UNC80: variants seen among roughly 807,000 people sequenced by gnomAD.
UNC80 encodes the protein unc-80 subunit of NALCN channel complex, also known as protein unc-80 homolog.
A neutral mutation model predicts 384.6 loss-of-function variants in UNC80; 164 were observed. The ratio of observed to expected loss-of-function variants is 0.43; its 90% CI spans 0.38 to 0.49. UNC80 has a LOEUF of 0.49. Ranked by LOEUF, UNC80 falls within the 20% of genes least tolerant of loss-of-function variation. The probability of loss-of-function intolerance (pLI) is 0.00; values close to 1 mark genes in which losing one functional copy is unlikely to be tolerated. For missense variants in UNC80, 3,330 were observed against 4,143.0 expected (o/e 0.80, Z 5.39); for synonymous variants, 1,486 against 1,527.8 (o/e 0.97, Z 0.64).
chr2:209,957,798 G>A lies in UNC80; in HGVS notation c.7550+62G>A. 2.0e-6 allele frequency: 3 copies of A among 1,483,960 alleles called. No homozygotes were observed. The Admixed American group carries it at 5.9e-5, about 29-fold the overall frequency. 91.9% of individuals were successfully genotyped at this position (1,483,960 alleles called of 1,614,324 possible). A position where few individuals can be genotyped will look rare whatever the true frequency, so the allele number is the denominator to read the frequency against. ...ATTTCATACAACCCGAATGTCAGCT[G>A]TTGAGAATGAAAGGAACCCTGAACA... On this transcript the variant is annotated intron_variant, in intron 49 of 64. Transcript: ENST00000673920.
chr2:209,880,319 T>A (rs184892728), intron 24 of UNC80, among the ~76,000 whole-genome samples: 29 of 152,364 alleles, frequency 1.9e-4, no homozygotes, highest in Middle Eastern at 6.8e-3. Flanking sequence ...CAAAAGAGAA[T>A]ATTTGTACAT....
intron 37 of UNC80, among the ~76,000 whole-genome samples, 155 bp downstream of exon 37, chr2:209,930,126 A>G (rs2090738756): frequency 6.6e-6 from 1 of 152,130 alleles, no homozygotes; most frequent in African/African-American, 2.4e-5. Context: ...GATGAGCAAT[A>G]CTTAACTTTG....
At position 209,970,898 on chromosome 2, in the gene UNC80, C is replaced by G; in HGVS notation, c.8197C>G (p.Leu2733Val). The G allele has an allele frequency of 2.6e-6, 4 of 1,551,880 alleles. No individual in the cohort carries two copies. Among genetic ancestry groups the G allele is most frequent in the Non-Finnish European group, 3.5e-6 (4 of 1,147,028 alleles). ...ACCCCTTCTTCATCTCAGCCCTTATCTCTCACCACCTCTGCCCTTCAGCAC... is the reference window on the plus strand; with the variant it reads ...ACCCCTTCTTCATCTCAGCCCTTATGTCTCACCACCTCTGCCCTTCAGCAC... ...GLPLLHLSPY[L>V]SPPLPFSTAV... The change falls in exon 54 of 65, where the codon CTC becomes GTC. Residue 2733 changes from leucine (L) to valine (V), a missense_variant. Leu to Val is a conservative substitution (Grantham distance 32, BLOSUM62 1). This residue lies in a region of UNC80 where 1,049 missense variants were observed against 1,488.6 expected (regional missense o/e 0.70). Coordinates refer to ENST00000673920, the MANE Select transcript of UNC80 (RefSeq NM_001371986.1).
intron 42 of UNC80, 88 bp downstream of exon 42, chr2:209,937,718 T>C: frequency 9.8e-7 from 1 of 1,018,290 alleles, no homozygotes; most frequent in Non-Finnish European, 1.5e-6. Context: ...TGAGATTTTA[T>C]GATTCCATTT....
At chr2:209,785,055 CA>C (rs1270979266) in intron 4 of UNC80, among the ~76,000 whole-genome samples, 5 of 151,742 alleles carry the variant, frequency 3.3e-5, no homozygotes, top group Non-Finnish European at 2.9e-5. Context: ...TGAGAGTCAT[CA>C]GGGGGATCTT....
rs2093523670 is a variant in UNC80, at chr2:209,999,148, A to C, written c.*3553A>C. On this transcript the variant is annotated 3_prime_UTR_variant, in exon 65 of 65. Transcript: ENST00000673920. ...GCCGACTTCCCTCAGATAACTATGA[A>C]GTCTATTATGAGTACTGAATGACCA... is the stretch of plus-strand genomic sequence containing the variant. The C allele has an allele frequency of 6.6e-6, 1 of 152,232 alleles. No individual in the cohort carries two copies. Among genetic ancestry groups the C allele is most frequent in the African/African-American group, 2.4e-5 (1 of 41,450 alleles). 9.4% of individuals were successfully genotyped at this position (152,232 alleles called of 1,614,324 possible).
intron 7 of UNC80, chr2:209,808,752 G>T: frequency 4.8e-5 from 2 of 41,704 alleles, no homozygotes; most frequent in South Asian, 1.3e-4. Flanking sequence ...CTAGTGAGTG[G>T]GTCGCCTGCG....
chr2:209,808,426 C>T (rs533026690), intron 7 of UNC80, among the ~76,000 whole-genome samples: 57 of 151,210 alleles, frequency 3.8e-4, no homozygotes, highest in African/African-American at 1.3e-3. Context: ...AGCCAGGCGT[C>T]GTGGCGGGCA....
At chr2:209,825,794 G>A in intron 13 of UNC80, 113 bp from the exon 14 acceptor site, 3 of 975,196 alleles carry the variant, frequency 3.1e-6, no homozygotes, top group Non-Finnish European at 4.1e-6. Context: ...CAAATTGCAG[G>A]TGCTCCCTGT....
chr2:209,800,825 A>G (rs2078499990), intron 7 of UNC80, among the ~76,000 whole-genome samples: 1 of 152,194 alleles, frequency 6.6e-6, no homozygotes, highest in Non-Finnish European at 1.5e-5. Context: ...CCCAGGAGTC[A>G]TTCAGGAGCA....
chr2:209,776,585 A>C (rs1302967808), intron 3 of UNC80, among the ~76,000 whole-genome samples: 5 of 152,224 alleles, frequency 3.3e-5, no homozygotes, highest in African/African-American at 1.2e-4. Flanking sequence ...CGTCTCAAAA[A>C]CAAACAAACA....
chr2:209,862,063 T>C (rs1260081578), intron 22 of UNC80, among the ~76,000 whole-genome samples: 1 of 152,222 alleles, frequency 6.6e-6, no homozygotes, highest in East Asian at 1.9e-4. Context: ...TACTTATTGC[T>C]TGTCTTCTGC....
intron 47 of UNC80, among the ~76,000 whole-genome samples, chr2:209,950,804 C>T (rs1377137996): frequency 2.0e-5 from 3 of 151,924 alleles, no homozygotes; most frequent in African/African-American, 7.3e-5. Flanking sequence ...GTGATCCACC[C>T]GTCTCAGCCT....
intron 48 of UNC80, among the ~76,000 whole-genome samples, chr2:209,955,483 C>T (rs1020600999): frequency 6.7e-6 from 1 of 149,626 alleles, no homozygotes; most frequent in Non-Finnish European, 1.5e-5. Context: ...AGAGTTGGCA[C>T]AGACAGCCAT....
At position 209,831,543 on chromosome 2, in the gene UNC80, C is replaced by T. The variant is rs1212428435; in HGVS notation, c.2727C>T (p.Ile909=). The change falls in exon 16 of 65, where the codon ATC becomes ATT. Residue 909 remains isoleucine (I), a synonymous_variant. Coordinates refer to ENST00000673920, the MANE Select transcript of UNC80 (RefSeq NM_001371986.1). ...IIVSAMFKSL[I]TRCASTTHEL... is the part of the protein sequence containing the mutation. Reference sequence around the variant, plus strand: ...TCAGCGCCATGTTTAAATCCCTCATCACACGCTGCGCTTCAACCACACATG... The same window carrying T: ...TCAGCGCCATGTTTAAATCCCTCATTACACGCTGCGCTTCAACCACACATG... 2.6e-6 allele frequency: 4 copies of T among 1,550,830 alleles called. No individual in the cohort carries two copies. In the South Asian group the frequency reaches 4.8e-5, roughly 18 times the overall value.
intron 13 of UNC80, among the ~76,000 whole-genome samples, chr2:209,823,417 CT>C (rs1347075649): frequency 2.8e-4 from 43 of 152,248 alleles, no homozygotes; most frequent in African/African-American, 1.0e-3. Flanking sequence ...TGAGGCACTG[CT>C]GCATAAGGCT....
At chr2:209,983,744 A>G (rs995713792) in intron 60 of UNC80, among the ~76,000 whole-genome samples, 14 of 152,178 alleles carry the variant, frequency 9.2e-5, no homozygotes, top group African/African-American at 3.4e-4. Context: ...TCCTTTTTAC[A>G]TATTCATTAA....
At chr2:209,864,511 G>C (rs1022065293) in intron 22 of UNC80, among the ~76,000 whole-genome samples, 4 of 152,132 alleles carry the variant, frequency 2.6e-5, no homozygotes, top group African/African-American at 9.7e-5. Flanking sequence ...CCTTCCCCAG[G>C]GTCTCAGGCC....
chr2:209,921,422 A>C, intron 33 of UNC80, 78 bp from the exon 34 acceptor site: 1 of 1,346,108 alleles, frequency 7.4e-7, no homozygotes, highest in Non-Finnish European at 1.0e-6. Context: ...CGTTTGTGTC[A>C]TTCATTGGAA....
Sources: allele counts gnomAD v4.1 joint callset (sites outside exome capture counted in the v4.1 genomes callset), GRCh38; gene constraint gnomAD v4.1.1; regional missense constraint gnomAD v4.1.1; transcripts MANE v1.5; gene names NCBI Gene and HGNC (gene_info 2026-07-23, HGNC 2026-07-21).